Variants in TENM4 observed in about 807,000 individuals in gnomAD.
TENM4 encodes teneurin-4.
TENM4 carries 82 observed loss-of-function variants against 243.3 expected under a neutral mutation model. The ratio of observed to expected loss-of-function variants is 0.34; its 90% CI spans 0.28 to 0.40. The LOEUF (loss-of-function observed/expected upper bound fraction) is 0.40, where lower values mean the gene tolerates loss of function less well. Ranked by LOEUF, TENM4 falls within the 10% of genes least tolerant of loss-of-function variation. TENM4 has a pLI of 1.00. For synonymous variants in TENM4, 1,412 were observed against 1,456.3 expected, an observed-to-expected ratio of 0.97 and a Z score of 0.69; for missense variants, 3,138 against 3,673.3, an observed-to-expected ratio of 0.85 and a Z score of 3.77.
intron 4 of TENM4, among the ~76,000 whole-genome samples, chr11:79,122,398 T>G (rs1249214696): frequency 6.6e-6 from 1 of 152,130 alleles, no homozygotes; most frequent in Non-Finnish European, 1.5e-5. Context: ...AAGGTGATTT[T>G]TAAAAAGTGG....
At chr11:79,075,310 C>A (rs76168625) in intron 4 of TENM4, among the ~76,000 whole-genome samples, 66 of 152,294 alleles carry the variant, frequency 4.3e-4, no homozygotes, top group Middle Eastern at 3.4e-3. Context: ...AACTGCAAAC[C>A]TTCTTTCCAG....
intron 6 of TENM4, among the ~76,000 whole-genome samples, chr11:78,968,559 G>T (rs989776799): frequency 1.3e-5 from 2 of 152,186 alleles, no homozygotes; most frequent in Middle Eastern, 3.2e-3. Context: ...TGCAAAATGG[G>T]CTAACACAGT....
intron 6 of TENM4, among the ~76,000 whole-genome samples, chr11:79,011,702 T>C (rs1039555943): frequency 6.6e-6 from 1 of 152,212 alleles, no homozygotes; most frequent in African/African-American, 2.4e-5. Flanking sequence ...CTGCCATCTT[T>C]TCCCCACTGC....
At chr11:78,829,844 C>A (rs1363646600) in intron 12 of TENM4, among the ~76,000 whole-genome samples, 1 of 152,176 alleles carries the variant, frequency 6.6e-6, no homozygotes, top group African/African-American at 2.4e-5. Flanking sequence ...TAGCTCACTT[C>A]TTCTCCTTCA....
In TENM4 at chr11:78,846,335, C is replaced by T. The variant is rs76514557; in HGVS notation, c.1681+7769G>A. Among the ~76,000 whole-genome samples, 66 of 152,290 alleles carry T rather than the reference C, an allele frequency of 4.3e-4. No homozygotes were observed. In the East Asian group the frequency reaches 0.011, roughly 24 times the overall value. On this transcript the variant is annotated intron_variant, in intron 12 of 33. Coordinates refer to ENST00000278550, the MANE Select transcript of TENM4 (RefSeq NM_001098816.3). ...ATTGTATTTAAACTTGAGAATCCAT[C>T]TCAAACTGCCTCAGACCTGTCTATG... is the stretch of plus-strand genomic sequence containing the variant.
chr11:78,777,779 T>TTAGGC (rs909591384), intron 17 of TENM4, among the ~76,000 whole-genome samples: 1 of 152,172 alleles, frequency 6.6e-6, no homozygotes, highest in African/African-American at 2.4e-5. Context: ...AGGTGCTGTG[T>TTAGGC]TAGGGCCTGA....
chr11:78,986,434 C>T (rs529506179), intron 6 of TENM4, among the ~76,000 whole-genome samples: 1 of 152,158 alleles, frequency 6.6e-6, no homozygotes, highest in African/African-American at 2.4e-5. Context: ...TACATGGGAA[C>T]CTGTCATATT....
At chr11:79,256,042 T>C (rs374943321) in intron 2 of TENM4, among the ~76,000 whole-genome samples, 6 of 152,332 alleles carry the variant, frequency 3.9e-5, no homozygotes, top group East Asian at 3.9e-4. Flanking sequence ...GTTAGGCTAT[T>C]GGAGCCACCA....
At chr11:79,153,646 G>A (rs1389898512) in intron 3 of TENM4, among the ~76,000 whole-genome samples, 1 of 152,186 alleles carries the variant, frequency 6.6e-6, no homozygotes, top group Non-Finnish European at 1.5e-5. Context: ...GGTTCTTGCG[G>A]CTGAAAGAAG....
intron 12 of TENM4, among the ~76,000 whole-genome samples, chr11:78,842,692 A>G (rs559282090): frequency 2.9e-4 from 44 of 152,338 alleles, no homozygotes; most frequent in African/African-American, 1.0e-3. Context: ...AAGCGCATAC[A>G]TGAGAGAGGA....
At chr11:78,898,621 C>T (rs1855848837) in intron 7 of TENM4, among the ~76,000 whole-genome samples, 1 of 152,078 alleles carries the variant, frequency 6.6e-6, no homozygotes. Context: ...TCATGCTGTA[C>T]CAGGTCTTCC....
chr11:79,125,144 ACAGAC>A (rs1861847458), intron 4 of TENM4, among the ~76,000 whole-genome samples: 1 of 152,028 alleles, frequency 6.6e-6, no homozygotes, highest in Non-Finnish European at 1.5e-5. Flanking sequence ...TGAACTGTTT[ACAGAC>A]TTATGCAAAA....
At chr11:78,675,953 C>G (rs974360527) in intron 30 of TENM4, among the ~76,000 whole-genome samples, 199 bp downstream of exon 30, 6 of 152,220 alleles carry the variant, frequency 3.9e-5, no homozygotes, top group African/African-American at 1.4e-4. Context: ...CTGTCTAACA[C>G]CAAAGCCAGT....
At chr11:79,160,971 G>A (rs983991830) in intron 3 of TENM4, among the ~76,000 whole-genome samples, 10 of 152,132 alleles carry the variant, frequency 6.6e-5, no homozygotes, top group East Asian at 3.8e-4. Context: ...GAAAAAAGCC[G>A]GTTGCCTTCC....
At chr11:79,268,574 C>G (rs1200154615) in intron 2 of TENM4, among the ~76,000 whole-genome samples, 3 of 152,024 alleles carry the variant, frequency 2.0e-5, no homozygotes, top group Non-Finnish European at 4.4e-5. Flanking sequence ...TTTGCTATTC[C>G]CAGAAATGTA....
Position 78,654,119 on chromosome 11 carries a change from T to G in TENM4, c.*3939A>C, listed in dbSNP as rs180830847. On this transcript the variant is annotated 3_prime_UTR_variant, in exon 34 of 34. Coordinates refer to ENST00000278550, the MANE Select transcript of TENM4 (RefSeq NM_001098816.3). ...TGTGCCTTAAATAGAGAGGTTTTCATTCTAACAAGGACCCCAAGGGAAAGG... is the reference window on the plus strand; with the variant it reads ...TGTGCCTTAAATAGAGAGGTTTTCAGTCTAACAAGGACCCCAAGGGAAAGG... 9.2e-5 allele frequency: 14 copies of G among 152,310 alleles called. No individual in the cohort carries two copies. The highest frequency in any genetic ancestry group is 3.1e-4 in the African/African-American group (13 of 41,570). The allele number at this position is 152,310 out of a possible 1,614,324, so 9.4% of individuals were successfully genotyped here. A position where few individuals can be genotyped will look rare whatever the true frequency, so the allele number is the denominator to read the frequency against.
chr11:78,698,319 G>A (rs1437868651), intron 28 of TENM4, among the ~76,000 whole-genome samples: 1 of 152,006 alleles, frequency 6.6e-6, no homozygotes, highest in Non-Finnish European at 1.5e-5. Context: ...GGAGAACTGT[G>A]GAGGTTGCAG....
intron 6 of TENM4, among the ~76,000 whole-genome samples, chr11:79,018,131 T>TTCA (rs1858827071): frequency 6.6e-6 from 1 of 152,196 alleles, no homozygotes; most frequent in African/African-American, 2.4e-5. Context: ...CCCAACTGAA[T>TTCA]GCAAGGACCT....
chr11:79,007,946 G>A (rs11237680), intron 6 of TENM4, among the ~76,000 whole-genome samples: 25,574 of 152,054 alleles, frequency 0.17, 2,323 homozygotes, highest in Middle Eastern at 0.3. Flanking sequence ...ACTTAGCAAT[G>A]CGCCAAGCCA....
Sources: gnomAD v4.1 joint callset for allele counts (sites outside exome capture counted in the v4.1 genomes callset) on GRCh38, gnomAD v4.1.1 for gene constraint, MANE v1.5 for transcripts, NCBI Gene and HGNC (gene_info 2026-07-23, HGNC 2026-07-21) for gene names.